DNASE1: variants seen among roughly 807,000 people sequenced by gnomAD.
The protein encoded by DNASE1 is deoxyribonuclease-1.
In DNASE1, 40 loss-of-function variants were observed where a neutral mutation model predicts 33.9. The observed-to-expected ratio is 1.18, with a 90% confidence interval of 0.92 to 1.54. The LOEUF (loss-of-function observed/expected upper bound fraction) is 1.54. Ranked by LOEUF, DNASE1 falls within the 40% of genes most tolerant of loss-of-function variation. The pLI, the probability that DNASE1 is intolerant of heterozygous loss-of-function variation, is 0.00. For synonymous variants in DNASE1, 216 were observed against 160.0 expected (o/e 1.35, Z -2.64); for missense variants, 518 against 372.6 (o/e 1.39, Z -3.21).
At chr16:3,633,882 C>G (rs910524237) in intron 1 of DNASE1, among the ~76,000 whole-genome samples, 5 of 151,934 alleles carry the variant, frequency 3.3e-5, no homozygotes, top group Admixed American at 2.6e-4. Flanking sequence ...GATCTCGGCT[C>G]ACTGCAAGCT....
At chr16:3,631,826 G>A (rs1337481900) in intron 1 of DNASE1, among the ~76,000 whole-genome samples, 1 of 152,140 alleles carries the variant, frequency 6.6e-6, no homozygotes, top group Non-Finnish European at 1.5e-5. Context: ...CCCGGCCATG[G>A]ATTTTAAAAT....
At chr16:3,656,046 G>A in intron 3 of DNASE1, 56 bp from the exon 4 acceptor site, 1 of 1,611,626 alleles carries the variant, frequency 6.2e-7, no homozygotes, top group Non-Finnish European at 8.5e-7. Flanking sequence ...GCTATCGGCA[G>A]CCAGAGGGGT....
At chr16:3,663,003 C>T (rs1419350345), downstream of DNASE1, 31 of 1,532,442 alleles carry the variant, frequency 2.0e-5, no homozygotes, top group Non-Finnish European at 2.7e-5. Context: ...CTCAGGCCTG[C>T]ATCCCAACTC....
At chr16:3,631,645 C>G (rs1021690815) in intron 1 of DNASE1, among the ~76,000 whole-genome samples, 2 of 152,090 alleles carry the variant, frequency 1.3e-5, no homozygotes, top group African/African-American at 4.8e-5. Flanking sequence ...CTGCCTCAGC[C>G]CCCTAGTAGT....
In DNASE1 at chr16:3,657,457, G is replaced by A. The variant is rs555414952; in HGVS notation, c.704+116G>A. On this transcript the variant is annotated intron_variant, in intron 7 of 8. Coordinates refer to ENST00000246949, the MANE Select transcript of DNASE1 (RefSeq NM_005223.4). The stretch of plus-strand genomic sequence containing the variant: ...TGAACACTCACCCAACTGAGCTTCA[G>A]TTGATCCACTACAGGGAACAGAATA... The A allele has an allele frequency of 4.3e-6, 6 of 1,409,382 alleles. No homozygotes were observed. The South Asian group carries it at 6.4e-5, about 15-fold the overall frequency. 87.3% of individuals were successfully genotyped at this position (1,409,382 alleles called of 1,614,324 possible).
chr16:3,622,725 T>C (rs990462976), intron 1 of DNASE1, among the ~76,000 whole-genome samples: 2 of 152,224 alleles, frequency 1.3e-5, no homozygotes, highest in African/African-American at 4.8e-5. Flanking sequence ...TAGCTGGGAC[T>C]ACACCTATGT....
chr16:3,626,550 A>G (rs1460713983), intron 1 of DNASE1, among the ~76,000 whole-genome samples: 1 of 152,218 alleles, frequency 6.6e-6, no homozygotes, highest in East Asian at 1.9e-4. Context: ...GGCTTAGAAT[A>G]TAGTCCATCT....
At chr16:3,612,681 T>C (rs1299431545) in intron 1 of DNASE1, among the ~76,000 whole-genome samples, 1 of 151,732 alleles carries the variant, frequency 6.6e-6, no homozygotes, top group Non-Finnish European at 1.5e-5. Flanking sequence ...AGCGCTGAGA[T>C]TACAGGCGTG....
chr16:3,652,900 C>G (rs966663993), upstream of DNASE1: 1 of 152,432 alleles, frequency 6.6e-6, no homozygotes, highest in Non-Finnish European at 1.5e-5. Context: ...TTCTGCCAAG[C>G]CTTCCAGGCC....
intron 1 of DNASE1, among the ~76,000 whole-genome samples, chr16:3,623,172 A>T (rs111553109): frequency 2.3e-4 from 35 of 152,188 alleles, no homozygotes; most frequent in African/African-American, 8.0e-4. Context: ...AGAATAGAGA[A>T]CCCAGAAGTA....
At chr16:3,621,688 T>C (rs1056040559) in intron 1 of DNASE1, among the ~76,000 whole-genome samples, 2 of 152,246 alleles carry the variant, frequency 1.3e-5, no homozygotes, top group African/African-American at 4.8e-5. Flanking sequence ...TGTTTAGCAG[T>C]TGCATTATAT....
chr16:3,626,386 TG>T (rs1238816184), intron 1 of DNASE1, among the ~76,000 whole-genome samples: 1 of 152,186 alleles, frequency 6.6e-6, no homozygotes, highest in African/African-American at 2.4e-5. Context: ...ACTTCCTGTT[TG>T]AGCCATGGTT....
chr16:3,645,480 C>A (rs2042145945), intron 1 of DNASE1, among the ~76,000 whole-genome samples: 1 of 152,242 alleles, frequency 6.6e-6, no homozygotes, highest in Non-Finnish European at 1.5e-5. Context: ...GTGCTAACCT[C>A]CCTGGTGAGA....
At position 3,656,854 on chromosome 16, in the gene DNASE1, G is replaced by A. The variant is rs568898897; in HGVS notation, c.436+101G>A. ...GCCTGTGTCACACACTGCCCTCCCA[G>A]TCCCTGGGGCTTGGGTTTTCCATTC... On this transcript the variant is annotated intron_variant, in intron 5 of 8. Transcript: ENST00000246949. 1.4e-4 allele frequency: 210 copies of A among 1,540,166 alleles called. 2 individuals are homozygous for A. In the South Asian group the frequency reaches 2.3e-3, roughly 17 times the overall value.
chr16:3,655,706 TG>T, intron 2 of DNASE1, 142 bp from the exon 3 acceptor site: 1 of 1,376,396 alleles, frequency 7.3e-7, no homozygotes, highest in Non-Finnish European at 1.0e-6. Context: ...TGTCCCTGGC[TG>T]GCAGCAGGAG....
intron 1 of DNASE1, among the ~76,000 whole-genome samples, chr16:3,630,348 AT>A (rs2041659646): frequency 6.6e-6 from 1 of 151,702 alleles, no homozygotes; most frequent in Non-Finnish European, 1.5e-5. Flanking sequence ...CACCTGGCTA[AT>A]TTTTGTACTT....
At chr16:3,635,934 C>G (rs2041855186) in intron 1 of DNASE1, among the ~76,000 whole-genome samples, 1 of 152,100 alleles carries the variant, frequency 6.6e-6, no homozygotes. Flanking sequence ...TTTATCCTAC[C>G]TGGTATTCTG....
intron 1 of DNASE1, among the ~76,000 whole-genome samples, chr16:3,649,636 C>G (rs1407258953): frequency 1.3e-5 from 2 of 152,210 alleles, no homozygotes; most frequent in Non-Finnish European, 2.9e-5. Context: ...TTCACACTTT[C>G]TCAGTTGAGA....
intron 1 of DNASE1, among the ~76,000 whole-genome samples, chr16:3,648,619 A>G (rs1321894613): frequency 6.6e-6 from 1 of 152,222 alleles, no homozygotes; most frequent in African/African-American, 2.4e-5. Flanking sequence ...ACTGCACTCC[A>G]GCCTAGACAA....
Sources: gnomAD v4.1 joint callset for allele counts (sites outside exome capture counted in the v4.1 genomes callset) on GRCh38, gnomAD v4.1.1 for gene constraint, MANE v1.5 for transcripts, NCBI Gene and HGNC (gene_info 2026-07-23, HGNC 2026-07-21) for gene names.